Variants in SLFN5 observed in about 807,000 individuals in gnomAD.
The protein encoded by SLFN5 is schlafen family member 5.
A neutral mutation model predicts 48.5 loss-of-function variants in SLFN5; 34 were observed. The observed-to-expected ratio is 0.70, with a 90% CI of 0.53 to 0.93. The LOEUF is 0.93. SLFN5 is among the 40% of genes least tolerant of loss of function. The probability of loss-of-function intolerance (pLI) is 0.00; values close to 1 mark genes in which losing one functional copy is unlikely to be tolerated. For synonymous variants in SLFN5, 387 were observed against 396.2 expected, an observed-to-expected ratio of 0.98 and a Z score of 0.28; for missense variants, 1,006 against 1,071.3, an observed-to-expected ratio of 0.94 and a Z score of 0.85.
At chr17:35,252,613 C>T (rs555496331) in intron 1 of SLFN5, among the ~76,000 whole-genome samples, 1 of 136,348 alleles carries the variant, frequency 7.3e-6, no homozygotes, top group East Asian at 2.4e-4. Context: ...TTATGATGTT[C>T]CTCAGTATTT....
chr17:35,244,893 C>G (rs2092427281), intron 1 of SLFN5, among the ~76,000 whole-genome samples: 1 of 151,884 alleles, frequency 6.6e-6, no homozygotes, highest in African/African-American at 2.4e-5. Context: ...TAAAAAAAGT[C>G]ACAAGAATTA....
chr17:35,264,889 G>A lies in SLFN5; in HGVS notation c.1845G>A (p.Leu615=), dbSNP rs1263961482. ...NILYICENQP[L]KKLVSFSKKN... ...TCTACATCTGTGAAAACCAGCCCCT[G>A]AAGAAGTTGGTGAGGTATGCTGCTT... Residue 615 remains leucine, a synonymous_variant, in exon 4 of 5, where the codon CTG becomes CTA. Coordinates refer to ENST00000299977, the MANE Select transcript of SLFN5 (RefSeq NM_144975.4). The A allele has an allele frequency of 2.7e-5, 42 of 1,560,336 alleles. No homozygotes were observed. Among genetic ancestry groups the A allele is most frequent in the Non-Finnish European group, 3.4e-5 (40 of 1,160,328 alleles).
intron 3 of SLFN5, among the ~76,000 whole-genome samples, chr17:35,261,494 C>A (rs1057314717): frequency 2.0e-5 from 3 of 151,584 alleles, no homozygotes; most frequent in African/African-American, 4.8e-5. Context: ...CATAGCAAGA[C>A]CCCATCTCTA....
At position 35,265,129 on chromosome 17, in the gene SLFN5, C is replaced by T; in HGVS notation, c.1917C>T (p.Asn639=). 1 of 1,614,102 alleles carries T rather than the reference C, an allele frequency of 6.2e-7. No individual in the cohort carries two copies. Among genetic ancestry groups the T allele is most frequent in the Non-Finnish European group, 8.5e-7 (1 of 1,180,018 alleles). The change falls in exon 5 of 5, where the codon AAC becomes AAT. Residue 639 remains asparagine, a synonymous_variant. Transcript: ENST00000299977. ...CCCGGAAAACCTTCATGAAAAACAA[C>T]TTTGAACACATCCAGCACATTATCA... ...PVTRKTFMKN[N]FEHIQHIIID... is the part of the protein sequence containing the mutation.
intron 1 of SLFN5, among the ~76,000 whole-genome samples, chr17:35,257,113 C>T (rs566891304): frequency 1.0e-3 from 152 of 152,194 alleles, no homozygotes; most frequent in African/African-American, 3.1e-3. Context: ...AACCCCCATC[C>T]GTGAAAAAAT....
At chr17:35,258,176 T>C (rs1407473491) in intron 1 of SLFN5, among the ~76,000 whole-genome samples, 1 of 152,214 alleles carries the variant, frequency 6.6e-6, no homozygotes, top group Non-Finnish European at 1.5e-5. Flanking sequence ...CCTCAAGCTA[T>C]GTGGGAATTT....
In SLFN5 at chr17:35,269,401, G is replaced by A. The variant is rs146038648; in HGVS notation, c.*3513G>A. 2.0e-4 allele frequency: 31 copies of A among 152,254 alleles called. No homozygotes were observed. Among genetic ancestry groups the A allele is most frequent in the Non-Finnish European group, 2.9e-4 (20 of 68,012 alleles). The allele number at this position is 152,254 out of a possible 1,614,324, so 9.4% of individuals were successfully genotyped here. On this transcript the variant is annotated 3_prime_UTR_variant, in exon 5 of 5. Coordinates refer to ENST00000299977, the MANE Select transcript of SLFN5 (RefSeq NM_144975.4). The stretch of plus-strand genomic sequence containing the variant: ...AGGAATTATAATTACAGAAAAGAAT[G>A]TTACAAACCTTCACAAAGTAAAAAT...
At position 35,265,895 on chromosome 17, in the gene SLFN5, A is replaced by G; in HGVS notation, c.*7A>G. On this transcript the variant is annotated 3_prime_UTR_variant, in exon 5 of 5. Transcript: ENST00000299977. ...TCTGAAGGCTTCTGTGTGACAGGAA[A>G]CCCAAGCCTAAGAAACAATTAAGTG... The G allele has an allele frequency of 1.3e-6, 2 of 1,565,262 alleles. No individual in the cohort carries two copies. Among genetic ancestry groups the G allele is most frequent in the Admixed American group, 2.0e-5 (1 of 50,016 alleles).
intron 1 of SLFN5, among the ~76,000 whole-genome samples, chr17:35,247,813 TTG>T: frequency 6.6e-6 from 1 of 152,218 alleles, no homozygotes; most frequent in East Asian, 1.9e-4. Flanking sequence ...TCCAGTGAGT[TTG>T]TGGTTCTCCC....
At position 35,258,836 on chromosome 17, in the gene SLFN5, C is replaced by T. The variant is rs772091535; in HGVS notation, c.146C>T (p.Ala49Val). Residue 49 changes from alanine (A) to valine (V), a missense_variant, in exon 2 of 5, where the codon GCT becomes GTT. By Grantham distance (64) the Ala-to-Val change is moderately conservative (BLOSUM62 0). Transcript: ENST00000299977. Reference sequence around the variant, plus strand: ...GAAATCATCCTGCGAGCAGTATGTGCTCTGCTGAATTCTGGTGGGGGCATA... The same window carrying T: ...GAAATCATCCTGCGAGCAGTATGTGTTCTGCTGAATTCTGGTGGGGGCATA... ...QNEIILRAVC[A>V]LLNSGGGIIK... The T allele has an allele frequency of 6.2e-7, 1 of 1,614,038 alleles. No homozygotes were observed. Among genetic ancestry groups the T allele is most frequent in the Non-Finnish European group, 8.5e-7 (1 of 1,180,042 alleles).
Position 35,259,645 on chromosome 17 carries a change from C to T in SLFN5, c.955C>T (p.Arg319Cys), listed in dbSNP as rs1012080584. Reference protein sequence around the residue: ...VPSSWQVKDNRVRQLPTREWT... With the variant: ...VPSSWQVKDNCVRQLPTREWT... ...TAGTTCCTGGCAGGTGAAGGACAAC[C>T]GTGTGAGACAATTGCCCACAAGAGA... The change falls in exon 2 of 5, where the codon CGT (arginine) becomes TGT (cysteine). Residue 319 changes from arginine (R) to cysteine (C), a missense_variant. Coordinates refer to ENST00000299977, the MANE Select transcript of SLFN5 (RefSeq NM_144975.4). 26 of 1,602,940 alleles carry T rather than the reference C, an allele frequency of 1.6e-5. No homozygotes were observed. The highest frequency in any genetic ancestry group is 1.5e-4 in the Admixed American group (9 of 60,004).
intron 1 of SLFN5, among the ~76,000 whole-genome samples, chr17:35,249,007 C>A (rs2092436653): frequency 6.6e-6 from 1 of 151,960 alleles, no homozygotes. Context: ...AAGCCATACC[C>A]AAATCATTTC....
At chr17:35,257,753 G>A (rs1904387788) in intron 1 of SLFN5, among the ~76,000 whole-genome samples, 1 of 152,034 alleles carries the variant, frequency 6.6e-6, no homozygotes, top group Non-Finnish European at 1.5e-5. Flanking sequence ...ATTAGGGGAA[G>A]CTGACGTCGT....
chr17:35,258,589 T>C (rs1904410872), intron 1 of SLFN5, 62 bp from the exon 2 acceptor site: 1 of 1,424,440 alleles, frequency 7.0e-7, no homozygotes, highest in Admixed American at 2.3e-5. Context: ...CCTTAATCTG[T>C]TGGTTTTCCT....
chr17:35,270,851 G>A lies in SLFN5; in HGVS notation c.*4963G>A, dbSNP rs2142711605. The A allele has an allele frequency of 6.6e-6, 1 of 152,234 alleles. No homozygotes were observed. Among genetic ancestry groups the A allele is most frequent in the South Asian group, 2.1e-4 (1 of 4,828 alleles). 9.4% of individuals were successfully genotyped at this position (152,234 alleles called of 1,614,324 possible). On this transcript the variant is annotated 3_prime_UTR_variant, in exon 5 of 5. Transcript: ENST00000299977. ...CTCCAGACATCGCCAAATGTCCCTT[G>A]GGGGGTAAAATCACCACCACCATAC...
In SLFN5 at chr17:35,265,453, AC is replaced by A; in HGVS notation, c.2243del (p.Pro748LeufsTer11). 6.2e-7 allele frequency: 1 copy of A among 1,613,554 alleles called. No individual in the cohort carries two copies. Among genetic ancestry groups the A allele is most frequent in the East Asian group, 2.2e-5 (1 of 44,886 alleles). On this transcript the variant is annotated frameshift_variant, in exon 5 of 5. Transcript: ENST00000299977. LOFTEE classifies it low-confidence loss of function (END_TRUNC). Reference sequence around the variant, plus strand: ...CTGGGTCCCTGGTGATGCTCTATGAACCTAAATGGGCTCAAGGTGTCCCAGG... The same window carrying A: ...CTGGGTCCCTGGTGATGCTCTATGAACTAAATGGGCTCAAGGTGTCCCAGG... ...PPGSLVMLYE[P>X]KWAQGVPGNL...
At position 35,265,305 on chromosome 17, in the gene SLFN5, C is replaced by A. The variant is rs368638285; in HGVS notation, c.2093C>A (p.Pro698His). 2 of 1,614,184 alleles carry A rather than the reference C, an allele frequency of 1.2e-6. No homozygotes were observed. Among genetic ancestry groups the A allele is most frequent in the Non-Finnish European group, 8.5e-7 (1 of 1,180,036 alleles). ...TYHLSCSGLP[P>H]PSDQYPREEI... is the part of the protein sequence containing the mutation. ...CACTTGAGTTGCAGTGGCCTCCCCCCTCCCTCAGACCAGTATCCAAGAGAA... is the reference window on the plus strand; with the variant it reads ...CACTTGAGTTGCAGTGGCCTCCCCCATCCCTCAGACCAGTATCCAAGAGAA... The change falls in exon 5 of 5, where the codon CCT becomes CAT. Residue 698 changes from proline (P) to histidine (H), a missense_variant. Coordinates refer to ENST00000299977, the MANE Select transcript of SLFN5 (RefSeq NM_144975.4).
In SLFN5 at chr17:35,265,635, T is replaced by G. The variant is rs777638536; in HGVS notation, c.2423T>G (p.Leu808Arg). 6.2e-7 allele frequency: 1 copy of G among 1,614,248 alleles called. No individual in the cohort carries two copies. Among genetic ancestry groups the G allele is most frequent in the African/African-American group, 1.3e-5 (1 of 75,060 alleles). The change falls in exon 5 of 5, where the codon CTA becomes CGA. Residue 808 changes from leucine (L) to arginine (R), a missense_variant. Physicochemically the swap from Leu to Arg is moderately radical, Grantham distance 102 (BLOSUM62 -2). Transcript: ENST00000299977. ...GTGGAAAAATATAAAGACAGGCTTC[T>G]AACAGCAATGAGGAAGAGAAAACTG... Reference protein sequence around the residue: ...SEVEKYKDRLLTAMRKRKLSQ... With the variant: ...SEVEKYKDRLRTAMRKRKLSQ...
chr17:35,251,537 C>G (rs1288183411), intron 1 of SLFN5, among the ~76,000 whole-genome samples: 1 of 151,920 alleles, frequency 6.6e-6, no homozygotes, highest in Admixed American at 6.6e-5. Context: ...TCCCGAGTAG[C>G]TGGGACTACA....
Sources: gnomAD v4.1 joint callset for allele counts (sites outside exome capture counted in the v4.1 genomes callset) on GRCh38, gnomAD v4.1.1 for gene constraint, MANE v1.5 for transcripts, NCBI Gene and HGNC (gene_info 2026-07-23, HGNC 2026-07-21) for gene names.